The following PIK3R5 variants were observed in gnomAD, a reference collection of about 807,000 sequenced individuals.
PIK3R5 encodes phosphoinositide 3-kinase regulatory subunit 5.
Under a neutral mutation model 94.9 loss-of-function variants are expected in PIK3R5, and 32 were observed. That is an observed-to-expected ratio of 0.34 (90% CI 0.25 to 0.45). The LOEUF is 0.45. Ranked by LOEUF, PIK3R5 falls within the 20% of genes least tolerant of loss-of-function variation. The pLI, the probability that PIK3R5 is intolerant of heterozygous loss-of-function variation, is 1.00. For missense variants in PIK3R5, 853 were observed against 1,144.6 expected (o/e 0.75, Z 3.68); for synonymous variants, 443 against 479.4 (o/e 0.92, Z 0.99).
Position 8,905,659 on chromosome 17 carries a change from G to T in PIK3R5, c.273+10C>A, listed in dbSNP as rs745861082. On this transcript the variant is annotated intron_variant, in intron 4 of 18. Transcript: ENST00000447110. ...CCTCACCTCCAGCATCCTGGCCCAC[G>T]TGGACTTACACAAAGAACAGTGGAA... 6 of 1,589,510 alleles carry T rather than the reference G, an allele frequency of 3.8e-6. No individual in the cohort carries two copies. The highest frequency in any genetic ancestry group is 2.3e-5 in the South Asian group (2 of 87,078).
intron 3 of PIK3R5, among the ~76,000 whole-genome samples, chr17:8,908,828 T>C (rs1385816642): frequency 6.6e-6 from 1 of 152,232 alleles, no homozygotes; most frequent in East Asian, 1.9e-4. Context: ...TCTGGACTTA[T>C]AAGCCATGTC....
intron 1 of PIK3R5, among the ~76,000 whole-genome samples, chr17:8,929,015 A>G (rs2090940093): frequency 1.3e-5 from 2 of 152,248 alleles, no homozygotes; most frequent in South Asian, 4.1e-4. Context: ...ACAGTTCACT[A>G]GGACTGGTAA....
rs60031098 is a variant in PIK3R5, at chr17:8,901,495, A to G, written c.412+3282T>C. On this transcript the variant is annotated intron_variant, in intron 5 of 18. Coordinates refer to ENST00000447110, the MANE Select transcript of PIK3R5 (RefSeq NM_001142633.3). ...AGACAGATCAGGTAACTGGTTGGGTAGGAAAGTTATGAACACTTCCAAAGA... is the reference window on the plus strand; with the variant it reads ...AGACAGATCAGGTAACTGGTTGGGTGGGAAAGTTATGAACACTTCCAAAGA... Among the ~76,000 whole-genome samples, 212 of 152,340 alleles carry G rather than the reference A, an allele frequency of 1.4e-3. 1 individual carries two copies. The highest frequency in any genetic ancestry group is 5.0e-3 in the African/African-American group (208 of 41,576).
intron 1 of PIK3R5, among the ~76,000 whole-genome samples, chr17:8,921,980 C>T (rs1172941798): frequency 6.6e-6 from 1 of 152,136 alleles, no homozygotes; most frequent in African/African-American, 2.4e-5. Context: ...AGTGAAAAGG[C>T]AAGCCATGTT....
At chr17:8,885,068 C>T (rs958524293) in intron 14 of PIK3R5, 27 of 425,112 alleles carry the variant, frequency 6.4e-5, no homozygotes, top group African/African-American at 5.5e-4. Flanking sequence ...TCACACCTTC[C>T]CAGGGTCCTG....
Position 8,880,719 on chromosome 17 carries a change from CAGG to C in PIK3R5, c.2560_2562del (p.Pro854del). 6.2e-7 allele frequency: 1 copy of C among 1,613,930 alleles called. No individual in the cohort carries two copies. Among genetic ancestry groups the C allele is most frequent in the Non-Finnish European group, 8.5e-7 (1 of 1,179,904 alleles). ...TCAGGTGCGGCCTGGGCCGGCAGGT[CAGG>C]AGGCGTCTGGGGTGGTGAGGAGAGG... On this transcript the variant is annotated inframe_deletion, in exon 19 of 19. Transcript: ENST00000447110.
chr17:8,954,658 G>A (rs1275950460), intron 1 of PIK3R5, among the ~76,000 whole-genome samples: 1 of 152,112 alleles, frequency 6.6e-6, no homozygotes, highest in Non-Finnish European at 1.5e-5. Flanking sequence ...ATTCCCTGCC[G>A]GGTGCGGTGG....
intron 1 of PIK3R5, among the ~76,000 whole-genome samples, chr17:8,961,420 C>T (rs1300834137): frequency 1.3e-5 from 2 of 152,112 alleles, no homozygotes; most frequent in South Asian, 2.1e-4. Context: ...AGAACACCTG[C>T]GGTCTGGAGT....
intron 1 of PIK3R5, among the ~76,000 whole-genome samples, chr17:8,917,177 G>A (rs752521323): frequency 2.6e-5 from 4 of 152,204 alleles, no homozygotes; most frequent in Non-Finnish European, 5.9e-5. Flanking sequence ...ACTATGGGAG[G>A]TGGAGGTGAG....
intron 5 of PIK3R5, among the ~76,000 whole-genome samples, chr17:8,900,431 G>A (rs546141567): frequency 3.9e-5 from 6 of 152,288 alleles, no homozygotes; most frequent in Non-Finnish European, 8.8e-5. Context: ...ATGATTCCCC[G>A]AAACGAGGGA....
intron 1 of PIK3R5, among the ~76,000 whole-genome samples, chr17:8,920,369 G>A (rs1206358689): frequency 6.6e-6 from 1 of 152,140 alleles, no homozygotes; most frequent in Non-Finnish European, 1.5e-5. Context: ...AGGCACCTTA[G>A]GTACCATTTA....
In PIK3R5 at chr17:8,911,329, C is replaced by G; in HGVS notation, c.103+63G>C. The G allele has an allele frequency of 1.6e-6, 2 of 1,271,038 alleles. No individual in the cohort carries two copies. 78.7% of individuals were successfully genotyped at this position (1,271,038 alleles called of 1,614,324 possible). On this transcript the variant is annotated intron_variant, in intron 2 of 18. Transcript: ENST00000447110. This position sits in a 1 kb window ranked among gnomAD's most constrained non-coding sequence, Gnocchi z 5.3. ...GCCAGTTTCCATGCCTGGTCCAGTG[C>G]CCACCGTGGCCCCTGAGGCTTCCTT...
chr17:8,933,634 C>T (rs2091023429), intron 1 of PIK3R5, among the ~76,000 whole-genome samples: 1 of 152,058 alleles, frequency 6.6e-6, no homozygotes, highest in African/African-American at 2.4e-5. Flanking sequence ...TCTCATTTTA[C>T]ATTTCAAGAT....
At position 8,890,950 on chromosome 17, in the gene PIK3R5, G is replaced by A. The variant is rs761725817; in HGVS notation, c.483-38C>T. ...GGGACCGGCTATGGCACCCAGGGGT[G>A]CGCAGCATGCCACAGTGCAGCCACC... On this transcript the variant is annotated intron_variant, in intron 6 of 18. Coordinates refer to ENST00000447110, the MANE Select transcript of PIK3R5 (RefSeq NM_001142633.3). This position sits in a 1 kb window ranked among gnomAD's most constrained non-coding sequence, Gnocchi z 6.1. 6.3e-6 allele frequency: 10 copies of A among 1,595,488 alleles called. No homozygotes were observed. In the South Asian group the frequency reaches 9.0e-5, roughly 14 times the overall value.
chr17:8,881,851 T>G lies in PIK3R5; in HGVS notation c.2236A>C (p.Asn746His). ...GAISGRSRWS[N>H]LEKVCTSVNL... is the part of the protein sequence containing the mutation. ...ACGGAGGTACAGACCTTCTCCAGGT[T>G]GCTCCAGCGACTTCGTCCACTGATG... Residue 746 changes from asparagine to histidine, a missense_variant, in exon 16 of 19, where the codon AAC (asparagine) becomes CAC (histidine). This residue lies in a region of PIK3R5 where 173 missense variants were observed against 274.1 expected (regional missense o/e 0.63). Transcript: ENST00000447110. This position sits in a 1 kb window ranked among gnomAD's most constrained non-coding sequence, Gnocchi z 4.8. 6.2e-7 allele frequency: 1 copy of G among 1,614,148 alleles called. No homozygotes were observed. Among genetic ancestry groups the G allele is most frequent in the Non-Finnish European group, 8.5e-7 (1 of 1,179,988 alleles).
At chr17:8,894,655 G>A (rs928330831) in intron 5 of PIK3R5, among the ~76,000 whole-genome samples, 1 of 152,236 alleles carries the variant, frequency 6.6e-6, no homozygotes, top group Non-Finnish European at 1.5e-5. Flanking sequence ...TCGCTTTACA[G>A]TGTGCATTCA....
rs2089640276 is a variant in PIK3R5, at chr17:8,880,936, C to T, written c.2464G>A (p.Asp822Asn). The change falls in exon 18 of 19, where the codon GAT becomes AAT. Residue 822 changes from aspartate to asparagine, a missense_variant. Around this residue, in one of 6 missense-constraint regions of PIK3R5, gnomAD observed 91 missense variants for 90.5 expected, o/e 1.01. Coordinates refer to ENST00000447110, the MANE Select transcript of PIK3R5 (RefSeq NM_001142633.3). Reference protein sequence around the residue: ...SCPFAVCLDQDERKILQSVVR... With the variant: ...SCPFAVCLDQNERKILQSVVR... ...ACACTCTGCAGGATCTTTCTCTCATCCTGGTCCAGGCACACAGCAAAGGGG... is the reference window on the plus strand; with the variant it reads ...ACACTCTGCAGGATCTTTCTCTCATTCTGGTCCAGGCACACAGCAAAGGGG... 3 of 1,614,070 alleles carry T rather than the reference C, an allele frequency of 1.9e-6. No individual in the cohort carries two copies. Among genetic ancestry groups the T allele is most frequent in the Non-Finnish European group, 2.5e-6 (3 of 1,180,016 alleles).
rs1326475885 is a variant in PIK3R5, at chr17:8,885,008, A to AT, written c.2129-226dup. On this transcript the variant is annotated intron_variant, in intron 14 of 18. Transcript: ENST00000447110. ...CACTCCAGGGCCCATCTCCGCTGTG[A>AT]TCACACATTCCCAGGGTCCTGCCTC... The AT allele has an allele frequency of 5.5e-6, 3 of 541,748 alleles. No individual in the cohort carries two copies. In the East Asian group the frequency reaches 9.5e-5, roughly 17 times the overall value. The allele number at this position is 541,748 out of a possible 1,614,324, so 33.6% of individuals were successfully genotyped here. A position where few individuals can be genotyped will look rare whatever the true frequency, so the allele number is the denominator to read the frequency against.
In PIK3R5 at chr17:8,909,111, A is replaced by G; in HGVS notation, c.167T>C (p.Leu56Pro). The G allele has an allele frequency of 6.2e-7, 1 of 1,610,030 alleles. No individual in the cohort carries two copies. The highest frequency in any genetic ancestry group is 8.5e-7 in the Non-Finnish European group (1 of 1,177,954). The change falls in exon 3 of 19, where the codon CTT (leucine) becomes CCT (proline). Residue 56 changes from leucine to proline, a missense_variant. By Grantham distance (98) the Leu-to-Pro change is moderately conservative. Transcript: ENST00000447110. This position sits in a 1 kb window ranked among gnomAD's most constrained non-coding sequence, Gnocchi z 4.3. ...CTGCAGGATCTGCTCAAGGAGGATA[A>G]GGAAGTGGCCCGGGTCCCTGCTGAC... ...ELVSRDPGHF[L>P]ILLEQILQKT...
Sources: gnomAD v4.1 joint callset for allele counts (sites outside exome capture counted in the v4.1 genomes callset) on GRCh38, gnomAD v4.1.1 for gene constraint, gnomAD v4.1.1 regional missense constraint, Gnocchi (gnomAD v3.1) non-coding constraint, MANE v1.5 for transcripts, NCBI Gene and HGNC (gene_info 2026-07-23, HGNC 2026-07-21) for gene names.